The following GPR155 variants were observed in gnomAD, a reference collection of about 807,000 sequenced individuals.
The protein encoded by GPR155 is G protein-coupled receptor 155.
GPR155 carries 65 observed loss-of-function variants against 93.1 expected under a neutral mutation model. The ratio of observed to expected loss-of-function variants is 0.70; its 90% confidence interval spans 0.57 to 0.86. The LOEUF (loss-of-function observed/expected upper bound fraction) is 0.86. Ranked by LOEUF, GPR155 falls within the 40% of genes least tolerant of loss-of-function variation. GPR155 has a pLI of 0.00. For synonymous variants in GPR155, 319 were observed against 360.1 expected (o/e 0.89, Z 1.29); for missense variants, 838 against 1,034.8 (o/e 0.81, Z 2.61).
chr2:174,469,618 A>T (rs1468227974), intron 4 of GPR155, among the ~76,000 whole-genome samples: 1 of 152,202 alleles, frequency 6.6e-6, no homozygotes, highest in African/African-American at 2.4e-5. Flanking sequence ...TGCAGTTATT[A>T]TGCAGTATTT....
chr2:174,486,795 G>A (rs920959022), intron 1 of GPR155, 78 bp downstream of exon 1: 1 of 153,078 alleles, frequency 6.5e-6, no homozygotes, highest in African/African-American at 2.4e-5. Flanking sequence ...CAGGCCTGAG[G>A]GGCAGAGGCA....
chr2:174,461,694 G>A (rs911081005), intron 7 of GPR155, 22 bp from the exon 8 acceptor site: 1 of 1,297,904 alleles, frequency 7.7e-7, no homozygotes, highest in Non-Finnish European at 1.1e-6. Flanking sequence ...AAGATTGAAA[G>A]AGAGACAGTT....
At chr2:174,438,020 C>T (rs1440110789) in intron 15 of GPR155, among the ~76,000 whole-genome samples, 1 of 151,266 alleles carries the variant, frequency 6.6e-6, no homozygotes, top group Non-Finnish European at 1.5e-5. Flanking sequence ...TTTGGGAGGC[C>T]GAGGTGGGCA....
intron 1 of GPR155, among the ~76,000 whole-genome samples, chr2:174,484,668 C>T (rs1407731557): frequency 6.6e-6 from 1 of 152,064 alleles, no homozygotes; most frequent in Non-Finnish European, 1.5e-5. Flanking sequence ...TAGCAGCTCA[C>T]GCCTGTAATC....
At chr2:174,479,919 C>T (rs904379372) in intron 2 of GPR155, among the ~76,000 whole-genome samples, 2 of 152,136 alleles carry the variant, frequency 1.3e-5, no homozygotes, top group African/African-American at 4.8e-5. Flanking sequence ...CCAGTTTTTC[C>T]TGTCTCTTAA....
intron 2 of GPR155, among the ~76,000 whole-genome samples, chr2:174,478,055 T>A (rs942848077): frequency 2.0e-5 from 3 of 152,224 alleles, no homozygotes; most frequent in Admixed American, 6.5e-5. Flanking sequence ...ATCAGCATTG[T>A]TTGAAGAATA....
chr2:174,456,103 A>G (rs1318522981), intron 10 of GPR155, among the ~76,000 whole-genome samples: 1 of 152,086 alleles, frequency 6.6e-6, no homozygotes, highest in Non-Finnish European at 1.5e-5. Flanking sequence ...TGGCTTCCCA[A>G]AGTTCTGGGA....
chr2:174,445,111 C>T lies in GPR155; in HGVS notation c.2079G>A (p.Gln693=), dbSNP rs2105675540. 1 of 1,599,750 alleles carries T rather than the reference C, an allele frequency of 6.3e-7. No individual in the cohort carries two copies. Among genetic ancestry groups the T allele is most frequent in the Non-Finnish European group, 8.6e-7 (1 of 1,167,052 alleles). ...CAAAGTTAAACACGGCACAGAAAAA[C>T]TGTAACTCAACATAAAGTCTTCCAG... ...QEPGRLYVEL[Q]FFCAVFNFGQ... The change falls in exon 13 of 16, where the codon CAG becomes CAA. Residue 693 remains glutamine (Q), a synonymous_variant. Coordinates refer to ENST00000392552, the MANE Select transcript of GPR155 (RefSeq NM_152529.7).
In GPR155 at chr2:174,481,519, G is replaced by A. The variant is rs2105740935; in HGVS notation, c.438C>T (p.Asp146=). ...LFPIFATQSN[D]FALGYPIVEA... ...TACCTATAGGGTATCCCAATGCAAAGTCATTACTTTGTGTAGCAAAAATAG... is the reference window on the plus strand; with the variant it reads ...TACCTATAGGGTATCCCAATGCAAAATCATTACTTTGTGTAGCAAAAATAG... The change falls in exon 2 of 16, where the codon GAC becomes GAT. Residue 146 remains aspartate, a synonymous_variant. Coordinates refer to ENST00000392552, the MANE Select transcript of GPR155 (RefSeq NM_152529.7). The A allele has an allele frequency of 1.2e-6, 2 of 1,606,298 alleles. No homozygotes were observed. The highest frequency in any genetic ancestry group is 2.2e-5 in the East Asian group (1 of 44,826).
Position 174,446,716 on chromosome 2 carries a change from C to G in GPR155, c.1908G>C (p.Gln636His), listed in dbSNP as rs565497352. 6.2e-7 allele frequency: 1 copy of G among 1,613,998 alleles called. No homozygotes were observed. Among genetic ancestry groups the G allele is most frequent in the Non-Finnish European group, 8.5e-7 (1 of 1,179,896 alleles). Residue 636 changes from glutamine (Q) to histidine (H), a missense_variant, in exon 12 of 16, where the codon CAG becomes CAC. Gln to His is a conservative substitution (Grantham distance 24). Coordinates refer to ENST00000392552, the MANE Select transcript of GPR155 (RefSeq NM_152529.7). ...CTTCTTCCTGGGCTAATATGCAGCT[C>G]TGGGAGTTACAGCGACTCACACAAT... ...NNHCVSRCNS[Q>H]SCILAQEEEQ...
intron 7 of GPR155, among the ~76,000 whole-genome samples, chr2:174,464,924 G>A (rs949264985): frequency 1.3e-5 from 2 of 152,040 alleles, no homozygotes; most frequent in African/African-American, 4.8e-5. Context: ...TGAAATCAAA[G>A]GTCCGTCCTT....
chr2:174,435,226 AT>A lies in GPR155; in HGVS notation c.*889del, dbSNP rs1252671388. Reference sequence around the variant, plus strand: ...GACCCTCCATATGCACAGGTTCCACATCCATAGATTCAATCAACCGCAGATA... The same window carrying A: ...GACCCTCCATATGCACAGGTTCCACACCATAGATTCAATCAACCGCAGATA... On this transcript the variant is annotated 3_prime_UTR_variant, in exon 16 of 16. Transcript: ENST00000392552. The A allele has an allele frequency of 5.3e-5, 8 of 152,316 alleles. No homozygotes were observed. Among genetic ancestry groups the A allele is most frequent in the Middle Eastern group, 3.4e-3 (1 of 294 alleles). 9.4% of individuals were successfully genotyped at this position (152,316 alleles called of 1,614,324 possible).
At chr2:174,476,785 G>A (rs767234697) in intron 2 of GPR155, among the ~76,000 whole-genome samples, 5 of 152,052 alleles carry the variant, frequency 3.3e-5, no homozygotes, top group African/African-American at 9.6e-5. Flanking sequence ...TGTTCATACC[G>A]TCACCCCCTA....
chr2:174,448,630 C>T (rs1406561942), intron 11 of GPR155, among the ~76,000 whole-genome samples: 2 of 147,902 alleles, frequency 1.4e-5, no homozygotes, highest in South Asian at 2.2e-4. Context: ...CTCCGCTTCC[C>T]GGGTTCACGC....
At chr2:174,452,126 A>G (rs1388076041) in intron 11 of GPR155, among the ~76,000 whole-genome samples, 1 of 152,176 alleles carries the variant, frequency 6.6e-6, no homozygotes, top group African/African-American at 2.4e-5. Flanking sequence ...ATTCTGATGT[A>G]AAGAAACGAT....
rs1012751685 is a variant in GPR155 at position 174,459,816 on chromosome 2, G to A, written c.1771+62C>T. ...GCTGAGATCATGCCACTGCACTCCA[G>A]CCGGGATGATAGAGCAAGATTCTGT... On this transcript the variant is annotated intron_variant, in intron 10 of 15. Coordinates refer to ENST00000392552, the MANE Select transcript of GPR155 (RefSeq NM_152529.7). 3.9e-6 allele frequency: 5 copies of A among 1,276,166 alleles called. No individual in the cohort carries two copies. In the African/African-American group the frequency reaches 7.5e-5, roughly 19 times the overall value. The allele number at this position is 1,276,166 out of a possible 1,614,324, so 79.1% of individuals were successfully genotyped here. A position where few individuals can be genotyped will look rare whatever the true frequency, so the allele number is the denominator to read the frequency against.
chr2:174,476,327 C>T (rs971574608), intron 2 of GPR155, among the ~76,000 whole-genome samples: 4 of 152,122 alleles, frequency 2.6e-5, no homozygotes, highest in East Asian at 3.8e-4. Flanking sequence ...TTTCTTTTAC[C>T]GGGCATGGTG....
intron 11 of GPR155, among the ~76,000 whole-genome samples, chr2:174,448,917 A>G (rs1412036735): frequency 6.6e-6 from 1 of 152,232 alleles, no homozygotes; most frequent in Non-Finnish European, 1.5e-5. Context: ...GAGCTTCTGC[A>G]TAGCAGAAGA....
chr2:174,458,162 A>C (rs953282831), intron 10 of GPR155, among the ~76,000 whole-genome samples: 1 of 152,234 alleles, frequency 6.6e-6, no homozygotes, highest in Non-Finnish European at 1.5e-5. Context: ...CATCAGAATA[A>C]GTTAATGCAA....
Sources: gnomAD v4.1 joint callset for allele counts (sites outside exome capture counted in the v4.1 genomes callset) on GRCh38, gnomAD v4.1.1 for gene constraint, MANE v1.5 for transcripts, NCBI Gene and HGNC (gene_info 2026-07-23, HGNC 2026-07-21) for gene names.